KLHL12: variants seen among roughly 807,000 people sequenced by gnomAD.
The protein encoded by KLHL12 is kelch like family member 12.
A neutral mutation model predicts 60.8 loss-of-function variants in KLHL12; 17 were observed. The ratio of observed to expected loss-of-function variants is 0.28; its 90% CI spans 0.19 to 0.42. KLHL12 has a LOEUF of 0.42. Among genes scored for constraint, KLHL12 ranks in the 10% least tolerant of loss-of-function variants. The pLI, the probability that KLHL12 is intolerant of heterozygous loss-of-function variation, is 1.00. For synonymous variants in KLHL12, 220 were observed against 250.9 expected, an observed-to-expected ratio of 0.88 and a Z score of 1.16; for missense variants, 468 against 722.3, an observed-to-expected ratio of 0.65 and a Z score of 4.04.
At position 202,896,890 on chromosome 1, in the gene KLHL12, T is replaced by C. The variant is rs556229646; in HGVS notation, c.903A>G (p.Lys301=). 1 of 1,614,168 alleles carries C rather than the reference T, an allele frequency of 6.2e-7. No individual in the cohort carries two copies. The highest frequency in any genetic ancestry group is 1.1e-5 in the South Asian group (1 of 91,086). ...SQQSPIDVVE[K]YDPKTQEWSF... ...TCCACTCCTGAGTCTTGGGGTCATATTTCTCTACCACATCAATGGGAGACT... is the reference window on the plus strand; with the variant it reads ...TCCACTCCTGAGTCTTGGGGTCATACTTCTCTACCACATCAATGGGAGACT... Residue 301 remains lysine (K), a synonymous_variant, in exon 7 of 12, where the codon AAA becomes AAG. Coordinates refer to ENST00000367261, the MANE Select transcript of KLHL12 (RefSeq NM_021633.4).
At chr1:202,916,221 A>G (rs1295075205) in intron 4 of KLHL12, among the ~76,000 whole-genome samples, 1 of 152,246 alleles carries the variant, frequency 6.6e-6, no homozygotes, top group Non-Finnish European at 1.5e-5. Context: ...CTCTGGGCTG[A>G]TACAGAGCCC....
chr1:202,916,462 T>C (rs975956803), intron 4 of KLHL12, among the ~76,000 whole-genome samples: 11 of 152,294 alleles, frequency 7.2e-5, no homozygotes, highest in South Asian at 6.2e-4. Flanking sequence ...CTGGCCACAA[T>C]AGTGAAACTC....
At position 202,918,345 on chromosome 1, in the gene KLHL12, G is replaced by C; in HGVS notation, c.393C>G (p.Asp131Glu). 1 of 1,614,104 alleles carries C rather than the reference G, an allele frequency of 6.2e-7. No homozygotes were observed. The highest frequency in any genetic ancestry group is 2.2e-5 in the East Asian group (1 of 44,876). Reference sequence around the variant, plus strand: ...CCCTAATACCCAGGCAATTAGAAGGGTCCAACTGACTTTCTAAGAACTCAC... The same window carrying C: ...CCCTAATACCCAGGCAATTAGAAGGCTCCAACTGACTTTCTAAGAACTCAC... ...ACCEFLESQLDPSNCLGIRDF... is the reference protein window; with the variant it reads ...ACCEFLESQLEPSNCLGIRDF... The change falls in exon 4 of 12, where the codon GAC (aspartate) becomes GAG (glutamate). Residue 131 changes from aspartate to glutamate, a missense_variant. Coordinates refer to ENST00000367261, the MANE Select transcript of KLHL12 (RefSeq NM_021633.4).
chr1:202,923,266 G>C (rs1660753400), intron 2 of KLHL12, among the ~76,000 whole-genome samples: 1 of 152,174 alleles, frequency 6.6e-6, no homozygotes, highest in African/African-American at 2.4e-5. Flanking sequence ...CATATAATTA[G>C]CAATCAGCCG....
In KLHL12 at chr1:202,893,062, G is replaced by T. The variant is rs1659725422; in HGVS notation, c.1580+177C>A. On this transcript the variant is annotated intron_variant, in intron 11 of 11. Coordinates refer to ENST00000367261, the MANE Select transcript of KLHL12 (RefSeq NM_021633.4). The surrounding 1 kb of genome is among the most constrained non-coding windows in gnomAD (Gnocchi z 4.1). ...CTACTCTACTCAGACTCCAGCCTGGGTGACAGAGCAATACTCTGTCTCTAA... is the reference window on the plus strand; with the variant it reads ...CTACTCTACTCAGACTCCAGCCTGGTTGACAGAGCAATACTCTGTCTCTAA... Among the ~76,000 whole-genome samples, 1 of 151,756 alleles carries T rather than the reference G, an allele frequency of 6.6e-6. No homozygotes were observed. Among genetic ancestry groups the T allele is most frequent in the Admixed American group, 6.6e-5 (1 of 15,196 alleles).
At chr1:202,927,334 C>G, upstream of KLHL12, 1 of 917,700 alleles carries the variant, frequency 1.1e-6, no homozygotes, top group Non-Finnish European at 1.3e-6. Context: ...TGTCACGTGA[C>G]CTGTCTGTAC....
intron 3 of KLHL12, among the ~76,000 whole-genome samples, chr1:202,919,386 T>C (rs570708802): frequency 4.7e-4 from 72 of 152,354 alleles, no homozygotes; most frequent in African/African-American, 1.7e-3. Context: ...TACCACTTAA[T>C]GGCCAGATAG....
At chr1:202,917,365 C>T (rs149312594) in intron 4 of KLHL12, among the ~76,000 whole-genome samples, 2 of 152,308 alleles carry the variant, frequency 1.3e-5, no homozygotes, top group African/African-American at 4.8e-5. Context: ...CAGGTGCTCA[C>T]CACCATGCCA....
At chr1:202,892,745 G>A in intron 11 of KLHL12, 86 bp from the exon 12 acceptor site, 6 of 1,440,982 alleles carry the variant, frequency 4.2e-6, no homozygotes, top group Non-Finnish European at 5.7e-6. Context: ...AGGAGGCTGA[G>A]GTAAGAGGAT....
intron 5 of KLHL12, 51 bp downstream of exon 5, chr1:202,911,003 A>G (rs1357743514): frequency 6.3e-7 from 1 of 1,594,638 alleles, no homozygotes; most frequent in South Asian, 1.1e-5. Context: ...ACATAACACT[A>G]AGGTAAGAGT....
chr1:202,906,370 G>T (rs61821054), intron 6 of KLHL12, among the ~76,000 whole-genome samples: 2 of 144,856 alleles, frequency 1.4e-5, no homozygotes, highest in East Asian at 2.2e-4. Context: ...CAGGAGAATC[G>T]CTTGAACCCA....
intron 6 of KLHL12, among the ~76,000 whole-genome samples, chr1:202,908,725 T>G (rs114687618): frequency 1.6e-3 from 238 of 152,320 alleles, no homozygotes; most frequent in African/African-American, 5.3e-3. Context: ...CTAAATAATA[T>G]TGACAAAAAA....
chr1:202,913,241 C>T (rs1413754677), intron 4 of KLHL12, among the ~76,000 whole-genome samples: 1 of 152,146 alleles, frequency 6.6e-6, no homozygotes, highest in Non-Finnish European at 1.5e-5. Flanking sequence ...CACTACATCA[C>T]TGGAAGGACT....
intron 6 of KLHL12, among the ~76,000 whole-genome samples, chr1:202,904,856 G>C (rs1660134006): frequency 6.6e-6 from 1 of 152,198 alleles, no homozygotes; most frequent in Non-Finnish European, 1.5e-5. Flanking sequence ...CCACAAATTA[G>C]AAAAGTAATT....
intron 6 of KLHL12, among the ~76,000 whole-genome samples, chr1:202,906,229 G>A (rs1660182968): frequency 6.7e-6 from 1 of 149,734 alleles, no homozygotes; most frequent in African/African-American, 2.4e-5. Flanking sequence ...GAGGTGGGCG[G>A]ATCACCTGAC....
rs981434967 is a variant in KLHL12 at position 202,895,158 on chromosome 1, G to A, written c.1135+364C>T. Among the ~76,000 whole-genome samples the A allele has an allele frequency of 2.6e-5, 4 of 152,156 alleles. No individual in the cohort carries two copies. Among genetic ancestry groups the A allele is most frequent in the African/African-American group, 2.4e-5 (1 of 41,422 alleles). On this transcript the variant is annotated intron_variant, in intron 8 of 11. Coordinates refer to ENST00000367261, the MANE Select transcript of KLHL12 (RefSeq NM_021633.4). The surrounding 1 kb of genome is among the most constrained non-coding windows in gnomAD (Gnocchi z 4.2). ...TGTAATCCCAGCACCTTGGGAGGCC[G>A]AGGTGGGTCAATCACTTGAGCTCAG...
At chr1:202,928,536 T>G (rs1189148581), upstream of KLHL12, 4 of 1,304,132 alleles carry the variant, frequency 3.1e-6, no homozygotes, top group Admixed American at 9.2e-5. Context: ...GGCCTCAAAT[T>G]TATTCACGTC....
chr1:202,916,419 T>C (rs10920521), intron 4 of KLHL12, among the ~76,000 whole-genome samples: 118,607 of 152,210 alleles, frequency 0.78, 47,511 homozygotes, highest in East Asian at 0.89. Context: ...TTTAGGAGGC[T>C]GAAGTGGCTG....
intron 4 of KLHL12, among the ~76,000 whole-genome samples, chr1:202,913,737 G>C (rs986399250): frequency 3.3e-5 from 5 of 152,232 alleles, no homozygotes; most frequent in African/African-American, 1.2e-4. Context: ...ATGAGTAGCA[G>C]TTAGCCAGGG....
Sources: allele counts gnomAD v4.1 joint callset (sites outside exome capture counted in the v4.1 genomes callset), GRCh38; gene constraint gnomAD v4.1.1; non-coding constraint Gnocchi (gnomAD v3.1); transcripts MANE v1.5; gene names NCBI Gene and HGNC (gene_info 2026-07-23, HGNC 2026-07-21).